The following SLAMF1 variants were observed in gnomAD, a reference collection of about 807,000 sequenced individuals.
SLAMF1 encodes the protein signaling lymphocytic activation molecule family member 1.
Under a neutral mutation model 35.1 loss-of-function variants are expected in SLAMF1, and 18 were observed. That is an observed-to-expected ratio of 0.51 (90% CI 0.35 to 0.76). The LOEUF (loss-of-function observed/expected upper bound fraction) is 0.76, where lower values mean the gene tolerates loss of function less well. Ranked by LOEUF, SLAMF1 falls within the 30% of genes least tolerant of loss-of-function variation. SLAMF1 has a pLI of 0.01. For synonymous variants in SLAMF1, 168 were observed against 157.2 expected (o/e 1.07, Z -0.51); for missense variants, 392 against 413.0 (o/e 0.95, Z 0.44).
chr1:160,629,301 G>A (rs1660046696), intron 3 of SLAMF1, among the ~76,000 whole-genome samples: 1 of 134,832 alleles, frequency 7.4e-6, no homozygotes, highest in Non-Finnish European at 1.7e-5. Context: ...ACACAGAAGC[G>A]TGTCTCTCTC....
At chr1:160,643,666 C>T (rs1350450939) in intron 1 of SLAMF1, among the ~76,000 whole-genome samples, 1 of 152,224 alleles carries the variant, frequency 6.6e-6, no homozygotes, top group Non-Finnish European at 1.5e-5. Flanking sequence ...TTTCAGGGCA[C>T]ATGTGCTGTC....
At chr1:160,621,266 T>C (rs980388887) in intron 4 of SLAMF1, among the ~76,000 whole-genome samples, 1 of 152,092 alleles carries the variant, frequency 6.6e-6, no homozygotes, top group Non-Finnish European at 1.5e-5. Flanking sequence ...TAATTTATTC[T>C]CTTAAAAAAC....
chr1:160,615,797 C>A, intron 5 of SLAMF1: 3 of 278,412 alleles, frequency 1.1e-5, no homozygotes, highest in Non-Finnish European at 2.2e-5. Flanking sequence ...GAAGAAGACA[C>A]AGAGAGGGAG....
rs370356426 is a variant in SLAMF1, at chr1:160,619,618, C to T, written c.864+158G>A. Among the ~76,000 whole-genome samples the T allele has an allele frequency of 1.4e-4, 21 of 152,234 alleles. No homozygotes were observed. In the East Asian group the frequency reaches 3.1e-3, roughly 22 times the overall value. ...TGTTGCCCATTATTTCAAACACTGA[C>T]GTTTAGTGACTTTAGGAGAACTCTT... On this transcript the variant is annotated intron_variant, in intron 5 of 6. Coordinates refer to ENST00000302035, the MANE Select transcript of SLAMF1 (RefSeq NM_003037.5).
At chr1:160,638,411 G>A (rs887800504) in intron 1 of SLAMF1, among the ~76,000 whole-genome samples, 3 of 152,250 alleles carry the variant, frequency 2.0e-5, no homozygotes, top group Non-Finnish European at 4.4e-5. Context: ...CTTCCTCCAC[G>A]GAGCACTCAC....
rs1659259193 is a variant in SLAMF1 at position 160,615,683 on chromosome 1, T to A, written c.865-3103A>T. 3 of 276,604 alleles carry A rather than the reference T, an allele frequency of 1.1e-5. No homozygotes were observed. The Admixed American group carries it at 1.3e-4, about 12-fold the overall frequency. 17.1% of individuals were successfully genotyped at this position (276,604 alleles called of 1,614,324 possible). A position where few individuals can be genotyped will look rare whatever the true frequency, so the allele number is the denominator to read the frequency against. On this transcript the variant is annotated intron_variant, in intron 5 of 6. Coordinates refer to ENST00000302035, the MANE Select transcript of SLAMF1 (RefSeq NM_003037.5). ...ATGTCAAAATGTGACTTTATTTGAA[T>A]AAAGGTCTTCACAGATGTCAAGATA...
intron 5 of SLAMF1, among the ~76,000 whole-genome samples, chr1:160,617,426 T>C (rs1659362928): frequency 6.6e-6 from 1 of 152,194 alleles, no homozygotes. Flanking sequence ...AACCCACATG[T>C]CCATCAATAG....
intron 1 of SLAMF1, among the ~76,000 whole-genome samples, chr1:160,644,041 G>A (rs776212173): frequency 4.8e-4 from 73 of 152,154 alleles, no homozygotes; most frequent in Admixed American, 9.8e-4. Context: ...ATGAACATTT[G>A]CATGATGAAA....
At chr1:160,627,195 A>G (rs1659928311) in intron 3 of SLAMF1, among the ~76,000 whole-genome samples, 1 of 152,224 alleles carries the variant, frequency 6.6e-6, no homozygotes, top group South Asian at 2.1e-4. Flanking sequence ...GAGCATAACA[A>G]TAAGTTCACA....
At position 160,646,918 on chromosome 1, in the gene SLAMF1, T is replaced by C. The variant is rs1460012174; in HGVS notation, c.28A>G (p.Thr10Ala). 4.4e-6 allele frequency: 7 copies of C among 1,606,266 alleles called. No homozygotes were observed. The highest frequency in any genetic ancestry group is 6.0e-6 in the Non-Finnish European group (7 of 1,173,680). MDPKGLLSL[T>A]FVLFLSLAFG... is the part of the protein sequence containing the mutation. ...GCCAGGGAGAGAAACAGCACGAAGGTCAAGGAGAGGAGCCCCTTGGGATCC... is the reference window on the plus strand; with the variant it reads ...GCCAGGGAGAGAAACAGCACGAAGGCCAAGGAGAGGAGCCCCTTGGGATCC... The change falls in exon 1 of 7, where the codon ACC (threonine) becomes GCC (alanine). Residue 10 changes from threonine (T) to alanine (A), a missense_variant. By Grantham distance (58) the Thr-to-Ala change is moderately conservative. Transcript: ENST00000302035.
intron 1 of SLAMF1, among the ~76,000 whole-genome samples, chr1:160,645,932 TC>T (rs959436540): frequency 2.0e-5 from 3 of 151,892 alleles, no homozygotes; most frequent in South Asian, 4.2e-4. Context: ...CCTCAGGATT[TC>T]CCCCCGTGTC....
intron 1 of SLAMF1, among the ~76,000 whole-genome samples, chr1:160,646,005 G>C (rs1313840301): frequency 1.3e-5 from 2 of 152,130 alleles, no homozygotes. Context: ...AGCAGAAGGA[G>C]ATTCTCACCC....
chr1:160,633,289 G>A (rs1235681782), intron 3 of SLAMF1, among the ~76,000 whole-genome samples: 1 of 152,182 alleles, frequency 6.6e-6, no homozygotes, highest in African/African-American at 2.4e-5. Flanking sequence ...TATCCAGTAA[G>A]TGAGAGGACG....
chr1:160,646,809 A>T, intron 1 of SLAMF1, 61 bp downstream of exon 1: 1 of 911,708 alleles, frequency 1.1e-6, no homozygotes, highest in Non-Finnish European at 1.8e-6. Flanking sequence ...CCATCCACGA[A>T]GATACGCTGA....
intron 2 of SLAMF1, chr1:160,636,897 A>G (rs1660479958): frequency 2.6e-6 from 1 of 380,626 alleles, no homozygotes. Context: ...CTTGCAAACC[A>G]AGATCCTTGG....
intron 3 of SLAMF1, among the ~76,000 whole-genome samples, chr1:160,629,233 T>C (rs528697191): frequency 7.9e-5 from 12 of 152,050 alleles, no homozygotes; most frequent in Non-Finnish European, 1.5e-4. Context: ...CAGTCACACA[T>C]CCAAGGAAAA....
chr1:160,623,906 T>C (rs1659742277), intron 4 of SLAMF1, among the ~76,000 whole-genome samples, 190 bp downstream of exon 4: 1 of 152,126 alleles, frequency 6.6e-6, no homozygotes, highest in Non-Finnish European at 1.5e-5. Context: ...CACAGCCTAG[T>C]AGAGGGGATC....
chr1:160,619,852 G>C lies in SLAMF1; in HGVS notation c.791-3C>G. 2 of 1,604,432 alleles carry C rather than the reference G, an allele frequency of 1.2e-6. No homozygotes were observed. Among genetic ancestry groups the C allele is most frequent in the Non-Finnish European group, 1.7e-6 (2 of 1,171,280 alleles). On this transcript the variant is annotated splice_region_variant and splice_polypyrimidine_tract_variant and intron_variant, in intron 4 of 6. Transcript: ENST00000302035. ...TGTCTGGTAATGGTTCGTTTTACCT[G>C]GTGAAAAGAAACCATAATGGTTATC...
At chr1:160,640,359 T>C (rs12735778) in intron 1 of SLAMF1, among the ~76,000 whole-genome samples, 21,065 of 122,160 alleles carry the variant, frequency 0.17, 1,824 homozygotes, top group South Asian at 0.23. Flanking sequence ...TATATATATA[T>C]ACACACACAC....
Sources: allele counts gnomAD v4.1 joint callset (sites outside exome capture counted in the v4.1 genomes callset), GRCh38; gene constraint gnomAD v4.1.1; transcripts MANE v1.5; gene names NCBI Gene and HGNC (gene_info 2026-07-23, HGNC 2026-07-21).